Variants in LAD1 observed in about 807,000 individuals in gnomAD.
LAD1 encodes the protein ladinin-1.
In LAD1, 53 loss-of-function variants were observed where a neutral mutation model predicts 54.2. The ratio of observed to expected loss-of-function variants is 0.98; its 90% CI spans 0.78 to 1.23. The LOEUF (loss-of-function observed/expected upper bound fraction) is 1.23, where lower values mean the gene tolerates loss of function less well. Ranked by LOEUF, LAD1 falls within the 50% of genes most tolerant of loss-of-function variation. LAD1 has a pLI of 0.00. For synonymous variants in LAD1, 231 were observed against 257.7 expected, an observed-to-expected ratio of 0.90 and a Z score of 0.99; for missense variants, 637 against 653.3, an observed-to-expected ratio of 0.98 and a Z score of 0.27.
chr1:201,395,199 A>G (rs1662268212), intron 1 of LAD1, among the ~76,000 whole-genome samples: 1 of 152,182 alleles, frequency 6.6e-6, no homozygotes, highest in Non-Finnish European at 1.5e-5. Context: ...CACCCTGGGG[A>G]GAAATGTTAT....
chr1:201,383,271 C>G, intron 6 of LAD1, 46 bp downstream of exon 6: 1 of 1,613,968 alleles, frequency 6.2e-7, no homozygotes, highest in Non-Finnish European at 8.5e-7. Flanking sequence ...GCCATGCCCA[C>G]TACTCATCCT....
chr1:201,395,955 C>A (rs1662279739), intron 1 of LAD1, among the ~76,000 whole-genome samples: 1 of 152,186 alleles, frequency 6.6e-6, no homozygotes, highest in Non-Finnish European at 1.5e-5. Flanking sequence ...AACAGCTGAA[C>A]CTTCAAGGGA....
chr1:201,385,357 C>T (rs372072576), intron 4 of LAD1, among the ~76,000 whole-genome samples: 1 of 152,208 alleles, frequency 6.6e-6, no homozygotes, highest in African/African-American at 2.4e-5. Flanking sequence ...TTCCTCCCCT[C>T]CCCTCCTAGA....
In LAD1 at chr1:201,394,470, C is replaced by T. The variant is rs192490895; in HGVS notation, c.38+4799G>A. Among the ~76,000 whole-genome samples the T allele has an allele frequency of 5.2e-4, 79 of 152,298 alleles. No individual in the cohort carries two copies. In the East Asian group the frequency reaches 8.1e-3, roughly 16 times the overall value. ...TACTTCCTCAGGGGAGATGGAGAGG[C>T]GCCCAAATCAAACTATCCCCCTATG... On this transcript the variant is annotated intron_variant, in intron 1 of 9. Transcript: ENST00000391967.
At chr1:201,384,057 T>C (rs78285096) in intron 5 of LAD1, among the ~76,000 whole-genome samples, 5,518 of 152,300 alleles carry the variant, frequency 0.036, 148 homozygotes, top group African/African-American at 0.066. Context: ...AGCCCTGGGT[T>C]CATATTCCTG....
chr1:201,383,310 C>T lies in LAD1; in HGVS notation c.1248+7G>A. The T allele has an allele frequency of 6.2e-7, 1 of 1,613,988 alleles. No homozygotes were observed. Among genetic ancestry groups the T allele is most frequent in the Non-Finnish European group, 8.5e-7 (1 of 1,179,972 alleles). ...CCCTCCGCCCCTCAGGAGAAGCCCC[C>T]ACCCACCCGTATGGCCGTGTGGTAT... On this transcript the variant is annotated splice_region_variant and intron_variant, in intron 6 of 9. Transcript: ENST00000391967.
intron 1 of LAD1, among the ~76,000 whole-genome samples, chr1:201,398,993 CA>C (rs1416564932): frequency 1.3e-5 from 2 of 152,240 alleles, no homozygotes; most frequent in Admixed American, 6.5e-5. Context: ...CCACCTTCCA[CA>C]GGGGGGGCCA....
chr1:201,382,177 A>C (rs1661974388), intron 9 of LAD1, 75 bp downstream of exon 9: 5 of 1,256,998 alleles, frequency 4.0e-6, no homozygotes, highest in African/African-American at 1.5e-5. Flanking sequence ...TAGTGTGTGC[A>C]CACGGGGACG....
intron 1 of LAD1, among the ~76,000 whole-genome samples, chr1:201,390,926 CAG>C (rs1662187594): frequency 6.6e-6 from 1 of 152,204 alleles, no homozygotes; most frequent in Non-Finnish European, 1.5e-5. Context: ...CTGAAGGAAA[CAG>C]ATGAACTTGC....
At chr1:201,395,167 A>G (rs1662267469) in intron 1 of LAD1, among the ~76,000 whole-genome samples, 1 of 152,186 alleles carries the variant, frequency 6.6e-6, no homozygotes, top group South Asian at 2.1e-4. Context: ...GCAAAACATG[A>G]GTCCCTTCAG....
chr1:201,388,940 T>C (rs145367662), intron 2 of LAD1, among the ~76,000 whole-genome samples: 2 of 152,202 alleles, frequency 1.3e-5, no homozygotes, highest in African/African-American at 4.8e-5. Flanking sequence ...CAGCACAGTA[T>C]TGGCTCATGG....
At chr1:201,394,278 C>A (rs1325552298) in intron 1 of LAD1, among the ~76,000 whole-genome samples, 1 of 152,210 alleles carries the variant, frequency 6.6e-6, no homozygotes, top group Non-Finnish European at 1.5e-5. Flanking sequence ...CACTCCTCCC[C>A]CAAAGGCAAT....
intron 1 of LAD1, among the ~76,000 whole-genome samples, chr1:201,396,742 G>C (rs1199780693): frequency 6.6e-6 from 1 of 152,144 alleles, no homozygotes; most frequent in East Asian, 1.9e-4. Flanking sequence ...CCAGTCTCCT[G>C]CACCTGAGCA....
In LAD1 at chr1:201,391,231, G is replaced by A. The variant is rs566274047; in HGVS notation, c.39-1928C>T. The A allele has an allele frequency of 5.8e-4, 255 of 441,340 alleles. 2 individuals are homozygous for A. The highest frequency in any genetic ancestry group is 2.6e-4 in the Non-Finnish European group (57 of 221,026). 27.3% of individuals were successfully genotyped at this position (441,340 alleles called of 1,614,324 possible). The stretch of plus-strand genomic sequence containing the variant: ...ATCCAGACAACTTTCACTTCTCTGG[G>A]GAGCAAGGGGACCCCACACTCTACT... On this transcript the variant is annotated intron_variant, in intron 1 of 9. Transcript: ENST00000391967.
chr1:201,384,650 G>C, intron 5 of LAD1, 142 bp downstream of exon 5: 1 of 802,644 alleles, frequency 1.2e-6, no homozygotes, highest in Non-Finnish European at 2.2e-6. Context: ...CCCCCTGCCA[G>C]ATCTGGAGCC....
At position 201,385,151 on chromosome 1, in the gene LAD1, G is replaced by A. The variant is rs549819030; in HGVS notation, c.1132-316C>T. 1.9e-4 allele frequency among the ~76,000 whole-genome samples: 29 copies of A among 152,274 alleles called. No individual in the cohort carries two copies. The South Asian group carries it at 3.5e-3, about 19-fold the overall frequency. ...CATGAGCTCTGTGGGGGCACCAGTC[G>A]CTATTGGGCCACCTCTCCAGGGCCT... On this transcript the variant is annotated intron_variant, in intron 4 of 9. Coordinates refer to ENST00000391967, the MANE Select transcript of LAD1 (RefSeq NM_005558.4).
intron 2 of LAD1, 82 bp from the exon 3 acceptor site, chr1:201,387,260 C>T: frequency 7.3e-7 from 1 of 1,373,006 alleles, no homozygotes; most frequent in South Asian, 2.3e-5. Context: ...GAGATGCTGC[C>T]AGGGCCACCA....
chr1:201,382,565 TCCTCCTCTCCCGACTGTC>T (rs1661984767), intron 8 of LAD1, 70 bp downstream of exon 8: 2 of 1,092,284 alleles, frequency 1.8e-6, no homozygotes, highest in African/African-American at 1.7e-5. Context: ...CCGAAATGAC[TCCTCCTCTCCCGACTGTC>T]CCTCCTCTGT....
intron 3 of LAD1, 108 bp downstream of exon 3, chr1:201,386,227 T>G: frequency 8.2e-6 from 9 of 1,094,146 alleles, no homozygotes; most frequent in Non-Finnish European, 8.6e-6. Context: ...AGCCTGCAGG[T>G]AGGAGGATGG....
Sources: allele counts gnomAD v4.1 joint callset (sites outside exome capture counted in the v4.1 genomes callset), GRCh38; gene constraint gnomAD v4.1.1; transcripts MANE v1.5; gene names NCBI Gene and HGNC (gene_info 2026-07-23, HGNC 2026-07-21).